Variants in KDM4D observed in about 807,000 individuals in gnomAD.
The protein encoded by KDM4D is lysine-specific demethylase 4D.
For missense variants in KDM4D, 427 were observed against 674.8 expected, an observed-to-expected ratio of 0.63 and a Z score of 4.07; for synonymous variants, 254 against 249.1, an observed-to-expected ratio of 1.02 and a Z score of -0.19.
rs1411033525 is a variant in KDM4D, at chr11:94,997,558, C to G, written c.186C>G (p.Thr62=). ...IPPKEWKARE[T]YDNISEILIA... ...CCAAAGAATGGAAAGCCAGAGAGAC[C>G]TATGATAATATCAGTGAAATCTTAA... The change falls in exon 3 of 3, where the codon ACC becomes ACG. Residue 62 remains threonine, a synonymous_variant. Coordinates refer to ENST00000335080, the MANE Select transcript of KDM4D (RefSeq NM_018039.3). 1.2e-6 allele frequency: 2 copies of G among 1,613,996 alleles called. No homozygotes were observed. The highest frequency in any genetic ancestry group is 1.7e-6 in the Non-Finnish European group (2 of 1,180,004).
chr11:94,974,020 A>C lies in KDM4D; in HGVS notation c.-493A>C, dbSNP rs1220351346. 6.6e-6 allele frequency: 1 copy of C among 152,266 alleles called. No individual in the cohort carries two copies. Among genetic ancestry groups the C allele is most frequent in the Non-Finnish European group, 1.5e-5 (1 of 68,048 alleles). 9.4% of individuals were successfully genotyped at this position (152,266 alleles called of 1,614,324 possible). A position where few individuals can be genotyped will look rare whatever the true frequency, so the allele number is the denominator to read the frequency against. ...AAAACTAGTGTTTTCATTTAATTGG[A>C]TATGAAGAAAGAACAAATATGTACG... On this transcript the variant is annotated 5_prime_UTR_variant, in exon 1 of 3. Coordinates refer to ENST00000335080, the MANE Select transcript of KDM4D (RefSeq NM_018039.3).
At chr11:94,976,583 A>G (rs1857799144) in intron 2 of KDM4D, among the ~76,000 whole-genome samples, 1 of 152,132 alleles carries the variant, frequency 6.6e-6, no homozygotes, top group South Asian at 2.1e-4. Flanking sequence ...CTTATGATCT[A>G]TGAGGCCATC....
Position 94,998,218 on chromosome 11 carries a change from C to T in KDM4D, c.846C>T (p.Gly282=), listed in dbSNP as rs1555099495. ...CCTTTCCCTATGGCTACCATGCTGGCTTCAACCATGGTTTCAACTGCGCAG... is the reference window on the plus strand; with the variant it reads ...CCTTTCCCTATGGCTACCATGCTGGTTTCAACCATGGTTTCAACTGCGCAG... ...MVTFPYGYHA[G]FNHGFNCAEA... The change falls in exon 3 of 3, where the codon GGC becomes GGT. Residue 282 remains glycine (G), a synonymous_variant. Coordinates refer to ENST00000335080, the MANE Select transcript of KDM4D (RefSeq NM_018039.3). The surrounding 1 kb of genome is among the most constrained non-coding windows in gnomAD (Gnocchi z 6.7). 6.2e-7 allele frequency: 1 copy of T among 1,614,106 alleles called. No homozygotes were observed. Among genetic ancestry groups the T allele is most frequent in the African/African-American group, 1.3e-5 (1 of 74,936 alleles).
chr11:94,977,425 C>G (rs1193698628), intron 2 of KDM4D, among the ~76,000 whole-genome samples: 1 of 152,108 alleles, frequency 6.6e-6, no homozygotes, highest in Non-Finnish European at 1.5e-5. Context: ...CTTTTCATGG[C>G]TACCTCCTTC....
chr11:94,990,786 G>C (rs1165805717), intron 2 of KDM4D, among the ~76,000 whole-genome samples: 3 of 152,212 alleles, frequency 2.0e-5, no homozygotes, highest in East Asian at 3.9e-4. Flanking sequence ...AAAGGCTTAG[G>C]ATGTCATGGC....
At position 94,998,627 on chromosome 11, in the gene KDM4D, C is replaced by A. The variant is rs374912184; in HGVS notation, c.1255C>A (p.Arg419=). ...SAVSGTATQP[R]AAAVHSSKKP... is the part of the protein sequence containing the mutation. ...AGTTAGTGGCACTGCTACGCAGCCCCGGGCTGCTGCTGTCCACAGCTCTAA... is the reference window on the plus strand; with the variant it reads ...AGTTAGTGGCACTGCTACGCAGCCCAGGGCTGCTGCTGTCCACAGCTCTAA... Residue 419 remains arginine, a synonymous_variant, in exon 3 of 3, where the codon CGG becomes AGG. Transcript: ENST00000335080. This position sits in a 1 kb window ranked among gnomAD's most constrained non-coding sequence, Gnocchi z 6.7. 1 of 1,614,172 alleles carries A rather than the reference C, an allele frequency of 6.2e-7. No homozygotes were observed. The highest frequency in any genetic ancestry group is 1.1e-5 in the South Asian group (1 of 91,088).
intron 2 of KDM4D, among the ~76,000 whole-genome samples, chr11:94,990,400 G>A (rs868972308): frequency 6.6e-6 from 1 of 152,212 alleles, no homozygotes; most frequent in Admixed American, 6.5e-5. Flanking sequence ...AAAAGAGAAG[G>A]AAGAGATAAG....
chr11:94,987,272 AAG>A (rs1555098213), intron 2 of KDM4D, among the ~76,000 whole-genome samples: 17 of 152,348 alleles, frequency 1.1e-4, no homozygotes, highest in African/African-American at 3.8e-4. Flanking sequence ...AAAATCATTG[AAG>A]TGTACACTTA....
intron 2 of KDM4D, among the ~76,000 whole-genome samples, chr11:94,990,074 C>T (rs1464660624): frequency 1.3e-5 from 2 of 152,106 alleles, no homozygotes; most frequent in African/African-American, 4.8e-5. Flanking sequence ...TTCCTTTTCT[C>T]ATGCAGCTTA....
chr11:94,974,582 A>G (rs1453261587), intron 1 of KDM4D, among the ~76,000 whole-genome samples: 2 of 152,228 alleles, frequency 1.3e-5, no homozygotes, highest in African/African-American at 4.8e-5. Context: ...CATAGAGTTC[A>G]AGATGAAAAT....
chr11:94,980,416 G>A (rs961822042), intron 2 of KDM4D, among the ~76,000 whole-genome samples: 2 of 152,020 alleles, frequency 1.3e-5, no homozygotes, highest in Admixed American at 6.6e-5. Flanking sequence ...AAATTCAGGA[G>A]CCAATTGTCA....
In KDM4D at chr11:94,997,396, C is replaced by T. The variant is rs782203256; in HGVS notation, c.24C>T (p.Ala8=). 4 of 1,610,344 alleles carry T rather than the reference C, an allele frequency of 2.5e-6. No homozygotes were observed. Among genetic ancestry groups the T allele is most frequent in the Admixed American group, 1.7e-5 (1 of 59,576 alleles). Residue 8 remains alanine (A), a synonymous_variant, in exon 3 of 3, where the codon GCC becomes GCT. Transcript: ENST00000335080. ...AAATGGAAACTATGAAGTCTAAGGC[C>T]AACTGTGCCCAGAATCCAAATTGTA... The part of the protein sequence containing the change: METMKSK[A]NCAQNPNCNI...
At chr11:94,984,950 G>A (rs1413873083) in intron 2 of KDM4D, among the ~76,000 whole-genome samples, 1 of 152,162 alleles carries the variant, frequency 6.6e-6, no homozygotes, top group African/African-American at 2.4e-5. Context: ...GACTGTAGTT[G>A]CTTATAGGCA....
At chr11:94,985,578 C>T (rs996323188) in intron 2 of KDM4D, among the ~76,000 whole-genome samples, 1 of 151,908 alleles carries the variant, frequency 6.6e-6, no homozygotes, top group Non-Finnish European at 1.5e-5. Flanking sequence ...AATTAAAAAT[C>T]GGTCCTAAAA....
Position 94,997,267 on chromosome 11 carries a change from G to C in KDM4D, c.-106G>C. 1 of 794,616 alleles carries C rather than the reference G, an allele frequency of 1.3e-6. No individual in the cohort carries two copies. Among genetic ancestry groups the C allele is most frequent in the South Asian group, 2.4e-5 (1 of 41,602 alleles). The allele number at this position is 794,616 out of a possible 1,614,324, so 49.2% of individuals were successfully genotyped here. On this transcript the variant is annotated 5_prime_UTR_variant, in exon 3 of 3. Coordinates refer to ENST00000335080, the MANE Select transcript of KDM4D (RefSeq NM_018039.3). ...AAAAAAAAGTACGCTGGTAGATCCT[G>C]CTACCTCATAGATAACACCAGTCAA...
At position 94,999,032 on chromosome 11, in the gene KDM4D, G is replaced by A. The variant is rs958729634; in HGVS notation, c.*88G>A. 1 of 1,330,256 alleles carries A rather than the reference G, an allele frequency of 7.5e-7. No homozygotes were observed. The highest frequency in any genetic ancestry group is 2.1e-5 in the South Asian group (1 of 47,550). 82.4% of individuals were successfully genotyped at this position (1,330,256 alleles called of 1,614,324 possible). A position where few individuals can be genotyped will look rare whatever the true frequency, so the allele number is the denominator to read the frequency against. On this transcript the variant is annotated 3_prime_UTR_variant, in exon 3 of 3. Coordinates refer to ENST00000335080, the MANE Select transcript of KDM4D (RefSeq NM_018039.3). ...ATTTACATCCCAAAACTTTGGTTGA[G>A]TTTGCAGGACTCTAGGCATGCATGA...
At chr11:94,983,355 A>G (rs1381577401) in intron 2 of KDM4D, among the ~76,000 whole-genome samples, 4 of 152,126 alleles carry the variant, frequency 2.6e-5, no homozygotes, top group Non-Finnish European at 5.9e-5. Flanking sequence ...AAGCAAAGAA[A>G]ACAATGACAA....
In KDM4D at chr11:94,981,268, C is replaced by T. The variant is rs111693057; in HGVS notation, c.-350+5520C>T. On this transcript the variant is annotated intron_variant, in intron 2 of 2. Coordinates refer to ENST00000335080, the MANE Select transcript of KDM4D (RefSeq NM_018039.3). ...TATATATTGCTGGAATCAATTTGCT[C>T]AGATTTCAGTTAGGATTTTTCCATC... 9.9e-5 allele frequency among the ~76,000 whole-genome samples: 15 copies of T among 152,150 alleles called. 1 individual carries two copies. Among genetic ancestry groups the T allele is most frequent in the African/African-American group, 3.4e-4 (14 of 41,546 alleles).
chr11:94,976,246 C>T (rs1555096976), intron 2 of KDM4D, among the ~76,000 whole-genome samples: 1 of 152,094 alleles, frequency 6.6e-6, no homozygotes, highest in African/African-American at 2.4e-5. Context: ...TTATGCTCTC[C>T]TAATTGTTTA....
Sources: gnomAD v4.1 joint callset for allele counts (sites outside exome capture counted in the v4.1 genomes callset) on GRCh38, gnomAD v4.1.1 for gene constraint, Gnocchi (gnomAD v3.1) non-coding constraint, MANE v1.5 for transcripts, NCBI Gene and HGNC (gene_info 2026-07-23, HGNC 2026-07-21) for gene names.